EVI5: variants seen among roughly 807,000 people sequenced by gnomAD.
EVI5 encodes ecotropic viral integration site 5.
A neutral mutation model predicts 112.0 loss-of-function variants in EVI5; 73 were observed. The observed-to-expected ratio is 0.65, with a 90% CI of 0.54 to 0.79. The LOEUF is 0.79. EVI5 is among the 30% of genes least tolerant of loss of function. The pLI is 0.00. For missense variants in EVI5, 900 were observed against 968.8 expected, an observed-to-expected ratio of 0.93 and a Z score of 0.94; for synonymous variants, 305 against 319.9, an observed-to-expected ratio of 0.95 and a Z score of 0.50.
In EVI5 at chr1:92,697,994, G is replaced by T; in HGVS notation, c.640-9C>A. 1 of 1,589,580 alleles carries T rather than the reference G, an allele frequency of 6.3e-7. No individual in the cohort carries two copies. The highest frequency in any genetic ancestry group is 8.5e-7 in the Non-Finnish European group (1 of 1,171,324). On this transcript the variant is annotated splice_polypyrimidine_tract_variant and intron_variant, in intron 5 of 19. Transcript: ENST00000684568. The stretch of plus-strand genomic sequence containing the variant: ...GCTTCTTCTTCTGGCATCTACATTG[G>T]AAGAAAAAAAAACAACATAGGTTAA...
chr1:92,750,390 C>T (rs1189306472), intron 1 of EVI5, among the ~76,000 whole-genome samples: 1 of 152,168 alleles, frequency 6.6e-6, no homozygotes, highest in Non-Finnish European at 1.5e-5. Context: ...CAAACTAAGT[C>T]ATCTTTCATA....
intron 13 of EVI5, among the ~76,000 whole-genome samples, chr1:92,657,038 G>A (rs1663116964): frequency 6.6e-6 from 1 of 151,976 alleles, no homozygotes; most frequent in African/African-American, 2.4e-5. Context: ...ATTCTATGAA[G>A]CCGGCATCAC....
At chr1:92,776,753 A>G (rs1192406363) in intron 1 of EVI5, among the ~76,000 whole-genome samples, 1 of 150,762 alleles carries the variant, frequency 6.6e-6, no homozygotes, top group African/African-American at 2.4e-5. Flanking sequence ...CTCCTGCCTC[A>G]GCCTACCAAG....
intron 5 of EVI5, among the ~76,000 whole-genome samples, chr1:92,701,589 T>A (rs1054795892): frequency 5.3e-5 from 8 of 152,102 alleles, no homozygotes; most frequent in African/African-American, 1.9e-4. Flanking sequence ...CCTTCAAAGC[T>A]ATGATTATCC....
intron 19 of EVI5, among the ~76,000 whole-genome samples, chr1:92,525,777 ACTGCTT>A (rs1401438837): frequency 6.6e-6 from 1 of 152,238 alleles, no homozygotes; most frequent in Non-Finnish European, 1.5e-5. Flanking sequence ...CCATCAGTTT[ACTGCTT>A]CTTTCGGACC....
At chr1:92,515,775 C>T (rs572037514) in intron 19 of EVI5, among the ~76,000 whole-genome samples, 2 of 152,284 alleles carry the variant, frequency 1.3e-5, no homozygotes, top group South Asian at 4.2e-4. Flanking sequence ...CACCATAATA[C>T]CTCCCAGCTT....
chr1:92,531,523 A>G (rs962652455), intron 19 of EVI5, among the ~76,000 whole-genome samples: 1 of 152,184 alleles, frequency 6.6e-6, no homozygotes, highest in Non-Finnish European at 1.5e-5. Context: ...AAAAAATATT[A>G]AGGGCAGCCA....
At chr1:92,649,923 C>A (rs1194564679) in intron 13 of EVI5, among the ~76,000 whole-genome samples, 1 of 152,208 alleles carries the variant, frequency 6.6e-6, no homozygotes, top group African/African-American at 2.4e-5. Flanking sequence ...TTCCCAGCAT[C>A]ATTTGTTGAA....
chr1:92,612,906 C>T (rs1571886584), intron 16 of EVI5, among the ~76,000 whole-genome samples: 2 of 152,008 alleles, frequency 1.3e-5, no homozygotes, highest in Admixed American at 6.6e-5. Flanking sequence ...AGTGTGAAGG[C>T]GCAGGAGGCA....
chr1:92,741,316 T>C (rs1453490697), intron 1 of EVI5, among the ~76,000 whole-genome samples: 2 of 152,206 alleles, frequency 1.3e-5, no homozygotes, highest in Non-Finnish European at 2.9e-5. Flanking sequence ...TGGTCACTAA[T>C]GACTTCAGTG....
intron 18 of EVI5, among the ~76,000 whole-genome samples, chr1:92,565,138 T>A (rs1046755036): frequency 6.6e-6 from 1 of 152,220 alleles, no homozygotes; most frequent in African/African-American, 2.4e-5. Flanking sequence ...CAAAAGAGTA[T>A]GGGCTTACTT....
intron 16 of EVI5, among the ~76,000 whole-genome samples, chr1:92,619,563 A>G (rs1654049390): frequency 6.6e-6 from 1 of 151,976 alleles, no homozygotes; most frequent in Non-Finnish European, 1.5e-5. Context: ...TCTAAGGGAA[A>G]GGTGAAAAAC....
intron 19 of EVI5, among the ~76,000 whole-genome samples, chr1:92,543,307 T>C (rs768065523): frequency 6.6e-6 from 1 of 152,356 alleles, no homozygotes; most frequent in Non-Finnish European, 1.5e-5. Flanking sequence ...GCTTCTTTCC[T>C]TAAACCTCAT....
chr1:92,665,274 A>T (rs964224204), intron 11 of EVI5, among the ~76,000 whole-genome samples: 2 of 152,192 alleles, frequency 1.3e-5, no homozygotes, highest in Non-Finnish European at 2.9e-5. Flanking sequence ...TCTTTTAATA[A>T]AGCAAAATTC....
intron 18 of EVI5, among the ~76,000 whole-genome samples, chr1:92,603,703 CT>C (rs1359111542): frequency 1.3e-5 from 2 of 150,846 alleles, no homozygotes; most frequent in Non-Finnish European, 3.0e-5. Context: ...ATTCTATAAG[CT>C]TTTTTCTATT....
At chr1:92,737,363 T>C (rs974860034) in intron 1 of EVI5, among the ~76,000 whole-genome samples, 2 of 152,164 alleles carry the variant, frequency 1.3e-5, no homozygotes, top group African/African-American at 4.8e-5. Flanking sequence ...GTGGCAATTG[T>C]AAAAGCCAAA....
chr1:92,630,435 T>G (rs1656756116), intron 14 of EVI5, among the ~76,000 whole-genome samples: 1 of 152,258 alleles, frequency 6.6e-6, no homozygotes, highest in Non-Finnish European at 1.5e-5. Context: ...TGAGCATTTT[T>G]TCATGTGTCT....
chr1:92,668,594 C>T (rs1029198533), intron 10 of EVI5, among the ~76,000 whole-genome samples: 4 of 152,180 alleles, frequency 2.6e-5, no homozygotes, highest in Non-Finnish European at 5.9e-5. Flanking sequence ...ACCCCTTTTA[C>T]GGCTTCTGAA....
chr1:92,683,444 A>T (rs955862535), intron 9 of EVI5, among the ~76,000 whole-genome samples: 2 of 152,210 alleles, frequency 1.3e-5, no homozygotes, highest in Non-Finnish European at 2.9e-5. Context: ...ATAAAACCAC[A>T]AAGATGAGGA....
Sources: allele counts gnomAD v4.1 joint callset (sites outside exome capture counted in the v4.1 genomes callset), GRCh38; gene constraint gnomAD v4.1.1; transcripts MANE v1.5; gene names NCBI Gene and HGNC (gene_info 2026-07-23, HGNC 2026-07-21).